LARP4: variants seen among roughly 807,000 people sequenced by gnomAD.
The protein encoded by LARP4 is La ribonucleoprotein 4.
Under a neutral mutation model 92.9 loss-of-function variants are expected in LARP4, and 29 were observed. The ratio of observed to expected loss-of-function variants is 0.31; its 90% CI spans 0.23 to 0.43. The LOEUF is 0.43. Among genes scored for constraint, LARP4 ranks in the 20% least tolerant of loss-of-function variants. The pLI, the probability that LARP4 is intolerant of heterozygous loss-of-function variation, is 1.00. For synonymous variants in LARP4, 279 were observed against 284.1 expected, an observed-to-expected ratio of 0.98 and a Z score of 0.18; for missense variants, 732 against 860.0, an observed-to-expected ratio of 0.85 and a Z score of 1.86.
At chr12:50,460,631 T>G (rs1044963021) in intron 10 of LARP4, among the ~76,000 whole-genome samples, 2 of 151,890 alleles carry the variant, frequency 1.3e-5, no homozygotes, top group Admixed American at 1.3e-4. Flanking sequence ...GCCCACAACA[T>G]TTTTTAATGT....
intron 8 of LARP4, among the ~76,000 whole-genome samples, chr12:50,452,042 G>A (rs1181408413): frequency 1.3e-5 from 2 of 152,100 alleles, no homozygotes; most frequent in Non-Finnish European, 2.9e-5. Flanking sequence ...GTATTCCAGT[G>A]TGTGTGTACA....
chr12:50,442,886 A>G (rs1951438793), intron 8 of LARP4, among the ~76,000 whole-genome samples: 1 of 152,226 alleles, frequency 6.6e-6, no homozygotes, highest in South Asian at 2.1e-4. Context: ...GCTGTGAAGT[A>G]GGTGGGATTA....
In LARP4 at chr12:50,453,664, ACAC is replaced by A. The variant is rs751000858; in HGVS notation, c.1013_1015del (p.Pro338del). On this transcript the variant is annotated inframe_deletion, in exon 9 of 16. Coordinates refer to ENST00000398473, the MANE Select transcript of LARP4 (RefSeq NM_052879.5). ...TCCAAATCCTACACCTTACTTTGAA[ACAC>A]CACTGGTAAGTGAGATCCTTACAAT... is the stretch of plus-strand genomic sequence containing the variant. 5 of 1,579,830 alleles carry A rather than the reference ACAC, an allele frequency of 3.2e-6. No homozygotes were observed. In the South Asian group the frequency reaches 5.6e-5, roughly 18 times the overall value.
chr12:50,477,916 T>G lies in LARP4; in HGVS notation c.*2052T>G, dbSNP rs1593532272. On this transcript the variant is annotated 3_prime_UTR_variant, in exon 16 of 16. Transcript: ENST00000398473. The stretch of plus-strand genomic sequence containing the variant: ...GCAGTTGGTGGAAATGATAAACGTT[T>G]TAAGTGTTAACATCCTTTGAATGCG... 6.5e-6 allele frequency: 1 copy of G among 152,698 alleles called. No homozygotes were observed. The highest frequency in any genetic ancestry group is 1.9e-4 in the East Asian group (1 of 5,194). 9.5% of individuals were successfully genotyped at this position (152,698 alleles called of 1,614,324 possible).
intron 1 of LARP4, among the ~76,000 whole-genome samples, chr12:50,425,796 GTCTCAGAA>G (rs2136969316): frequency 6.6e-6 from 1 of 152,172 alleles, no homozygotes; most frequent in South Asian, 2.1e-4. Context: ...CTCTGGGCCT[GTCTCAGAA>G]TGGGATTAAC....
In LARP4 at chr12:50,448,985, C is replaced by T. The variant is rs555143889; in HGVS notation, c.805-4475C>T. On this transcript the variant is annotated intron_variant, in intron 8 of 15. Transcript: ENST00000398473. ...AAAATCTGGTCTGGACACTGTGGCTCGTTCCTGTAATTCCAGCACTTTGGC... is the reference window on the plus strand; with the variant it reads ...AAAATCTGGTCTGGACACTGTGGCTTGTTCCTGTAATTCCAGCACTTTGGC... Among the ~76,000 whole-genome samples the T allele has an allele frequency of 6.6e-5, 10 of 152,152 alleles. No homozygotes were observed. The South Asian group carries it at 8.3e-4, about 13-fold the overall frequency.
In LARP4 at chr12:50,461,197, T is replaced by G. The variant is rs763351976; in HGVS notation, c.1184T>G (p.Leu395Trp). The change falls in exon 11 of 16, where the codon TTG becomes TGG. Residue 395 changes from leucine to tryptophan, a missense_variant. Transcript: ENST00000398473. ...CACTCAACAGAGGGCTCTGTATCCT[T>G]GGGGGATGGACAGTTGAACAGATAT... is the stretch of plus-strand genomic sequence containing the variant. ...SEHSTEGSVSLGDGQLNRYSS... is the reference protein window; with the variant it reads ...SEHSTEGSVSWGDGQLNRYSS... The G allele has an allele frequency of 6.2e-7, 1 of 1,613,938 alleles. No homozygotes were observed. Among genetic ancestry groups the G allele is most frequent in the Non-Finnish European group, 8.5e-7 (1 of 1,180,006 alleles).
At chr12:50,438,370 G>A (rs1165848505) in intron 6 of LARP4, among the ~76,000 whole-genome samples, 2 of 151,938 alleles carry the variant, frequency 1.3e-5, no homozygotes, top group South Asian at 2.1e-4. Context: ...GGTGGTGGGC[G>A]CCTGTAATCC....
rs1957752049 is a variant in LARP4 at position 50,479,554 on chromosome 12, ATCC to A, written c.*3695_*3697del. The A allele has an allele frequency of 6.6e-6, 1 of 152,168 alleles. No individual in the cohort carries two copies. Among genetic ancestry groups the A allele is most frequent in the African/African-American group, 2.4e-5 (1 of 41,430 alleles). The allele number at this position is 152,168 out of a possible 1,614,324, so 9.4% of individuals were successfully genotyped here. Reference sequence around the variant, plus strand: ...GAATTTATTTTCAAGTTGTGAGTAAATCCTCCTTTGAAATTCACCTGATTATTA... The same window carrying A: ...GAATTTATTTTCAAGTTGTGAGTAAATCCTTTGAAATTCACCTGATTATTA... On this transcript the variant is annotated 3_prime_UTR_variant, in exon 16 of 16. Transcript: ENST00000398473.
At chr12:50,422,118 C>G (rs1031291674) in intron 1 of LARP4, among the ~76,000 whole-genome samples, 1 of 151,916 alleles carries the variant, frequency 6.6e-6, no homozygotes, top group Non-Finnish European at 1.5e-5. Context: ...TATAGGCATC[C>G]ACCCCCACGA....
rs1200332176 is a variant in LARP4, at chr12:50,475,611, T to C, written c.1922T>C (p.Leu641Pro). 2 of 1,614,056 alleles carry C rather than the reference T, an allele frequency of 1.2e-6. No individual in the cohort carries two copies. Among genetic ancestry groups the C allele is most frequent in the East Asian group, 4.5e-5 (2 of 44,882 alleles). The change falls in exon 16 of 16, where the codon CTT becomes CCT. Residue 641 changes from leucine to proline, a missense_variant. Transcript: ENST00000398473. ...GTTCTTGTGCAGCCACTACGGGAACTTCGCTCCAATGTGGTGTCTCCCACC... is the reference window on the plus strand; with the variant it reads ...GTTCTTGTGCAGCCACTACGGGAACCTCGCTCCAATGTGGTGTCTCCCACC... Reference protein sequence around the residue: ...SSVLVQPLRELRSNVVSPTKN... With the variant: ...SSVLVQPLREPRSNVVSPTKN...
intron 4 of LARP4, among the ~76,000 whole-genome samples, chr12:50,432,600 C>T (rs1419401125): frequency 7.2e-5 from 11 of 152,028 alleles, no homozygotes. Flanking sequence ...TGGCTCACAC[C>T]TGTAATCCCA....
chr12:50,418,960 G>A (rs891470283), intron 1 of LARP4, among the ~76,000 whole-genome samples: 5 of 152,100 alleles, frequency 3.3e-5, no homozygotes, highest in African/African-American at 1.2e-4. Context: ...GTTTCAAGCA[G>A]TCCTTCCGTC....
intron 1 of LARP4, chr12:50,420,814 C>T (rs1354403936): frequency 1.3e-5 from 2 of 151,858 alleles, no homozygotes; most frequent in Admixed American, 6.6e-5. Flanking sequence ...AAGAAAACTC[C>T]GAGATGCAAG....
At chr12:50,454,013 C>T (rs532079199) in intron 9 of LARP4, among the ~76,000 whole-genome samples, 1 of 152,212 alleles carries the variant, frequency 6.6e-6, no homozygotes, top group African/African-American at 2.4e-5. Context: ...TATTAGAGCG[C>T]ATAATTTTAT....
chr12:50,470,155 T>G (rs1956752739), intron 13 of LARP4, among the ~76,000 whole-genome samples: 1 of 151,408 alleles, frequency 6.6e-6, no homozygotes, highest in Non-Finnish European at 1.5e-5. Flanking sequence ...GCCCAGGAGA[T>G]CAGAGCTATG....
intron 5 of LARP4, 131 bp from the exon 6 acceptor site, chr12:50,437,604 G>C (rs977549215): frequency 1.8e-6 from 1 of 543,686 alleles, no homozygotes; most frequent in Non-Finnish European, 3.3e-6. Flanking sequence ...CTACAACTTA[G>C]TTTCTTTAGG....
At chr12:50,450,295 A>G (rs1471184074) in intron 8 of LARP4, among the ~76,000 whole-genome samples, 1 of 152,054 alleles carries the variant, frequency 6.6e-6, no homozygotes, top group African/African-American at 2.4e-5. Flanking sequence ...GCTCTTACAC[A>G]TTTCATGCCA....
intron 1 of LARP4, among the ~76,000 whole-genome samples, chr12:50,414,681 G>A (rs938265629): frequency 3.9e-5 from 6 of 152,110 alleles, no homozygotes; most frequent in Non-Finnish European, 8.8e-5. Context: ...GTTTTGCAGC[G>A]TTACTTTTTT....
Sources: allele counts gnomAD v4.1 joint callset (sites outside exome capture counted in the v4.1 genomes callset), GRCh38; gene constraint gnomAD v4.1.1; transcripts MANE v1.5; gene names NCBI Gene and HGNC (gene_info 2026-07-23, HGNC 2026-07-21).